TAX1BP1: variants seen among roughly 807,000 people sequenced by gnomAD.
TAX1BP1 encodes Tax1 binding protein 1, also known as tax1-binding protein 1.
TAX1BP1 carries 62 observed loss-of-function variants against 97.7 expected under a neutral mutation model. The ratio of observed to expected loss-of-function variants is 0.63; its 90% CI spans 0.52 to 0.78. The LOEUF is 0.78. Ranked by LOEUF, TAX1BP1 falls within the 30% of genes least tolerant of loss-of-function variation. TAX1BP1 has a pLI of 0.00. For missense variants in TAX1BP1, 867 were observed against 916.1 expected (o/e 0.95, Z 0.69); for synonymous variants, 340 against 304.2 (o/e 1.12, Z -1.23).
Position 27,778,044 on chromosome 7 carries a change from T to G in TAX1BP1, c.613-7119T>G, listed in dbSNP as rs76594044. ...GCCAAGATATTCTTTCTCAAGTGATTTGAATTATCTGGTATTCTAGGTACC... is the reference window on the plus strand; with the variant it reads ...GCCAAGATATTCTTTCTCAAGTGATGTGAATTATCTGGTATTCTAGGTACC... On this transcript the variant is annotated intron_variant, in intron 5 of 16. Transcript: ENST00000396319. 6.0e-3 allele frequency among the ~76,000 whole-genome samples: 914 copies of G among 152,314 alleles called. 4 individuals carry two copies. The highest frequency in any genetic ancestry group is 9.7e-3 in the Non-Finnish European group (658 of 68,018).
At chr7:27,822,145 G>A (rs565016463) in intron 15 of TAX1BP1, among the ~76,000 whole-genome samples, 35 of 152,298 alleles carry the variant, frequency 2.3e-4, no homozygotes, top group African/African-American at 7.7e-4. Context: ...CAGCTGGCAA[G>A]CGTAATGAAG....
chr7:27,753,421 A>G (rs1788095763), intron 2 of TAX1BP1, among the ~76,000 whole-genome samples: 1 of 152,210 alleles, frequency 6.6e-6, no homozygotes, highest in Admixed American at 6.5e-5. Context: ...GTGTTTATGA[A>G]TTTGATTTGG....
chr7:27,788,583 T>C (rs1270302917), intron 8 of TAX1BP1, among the ~76,000 whole-genome samples: 3 of 152,084 alleles, frequency 2.0e-5, no homozygotes, highest in Non-Finnish European at 2.9e-5. Context: ...CCCTTCCCTC[T>C]TTTTTAAATA....
intron 14 of TAX1BP1, 135 bp downstream of exon 14, chr7:27,816,655 T>G (rs972209599): frequency 1.2e-5 from 11 of 928,466 alleles, no homozygotes; most frequent in African/African-American, 1.7e-5. Context: ...ATTAGCAGTT[T>G]TAATATTTAA....
intron 15 of TAX1BP1, among the ~76,000 whole-genome samples, chr7:27,824,422 T>C (rs1791092203): frequency 6.6e-6 from 1 of 151,422 alleles, no homozygotes; most frequent in Non-Finnish European, 1.5e-5. Context: ...AGTGTGGTGG[T>C]ACACGCCGGT....
chr7:27,785,156 T>C lies in TAX1BP1; in HGVS notation c.613-7T>C. 2 of 1,594,348 alleles carry C rather than the reference T, an allele frequency of 1.3e-6. No homozygotes were observed. Among genetic ancestry groups the C allele is most frequent in the South Asian group, 2.3e-5 (2 of 86,414 alleles). On this transcript the variant is annotated splice_polypyrimidine_tract_variant and splice_region_variant and intron_variant, in intron 5 of 16. Coordinates refer to ENST00000396319, the MANE Select transcript of TAX1BP1 (RefSeq NM_006024.7). The stretch of plus-strand genomic sequence containing the variant: ...TTTTCTCAAAATACCTTGTTGTCAC[T>C]TCTCAGGGTCTTACTGAAGTAACAC...
intron 2 of TAX1BP1, among the ~76,000 whole-genome samples, chr7:27,749,558 T>C (rs1477495717): frequency 6.6e-6 from 1 of 152,176 alleles, no homozygotes; most frequent in African/African-American, 2.4e-5. Context: ...ACATTGAAAG[T>C]GTCTAGAAGT....
rs1262057797 is a variant in TAX1BP1, at chr7:27,816,937, G to A, written c.1984G>A (p.Val662Ile). 2.5e-6 allele frequency: 4 copies of A among 1,613,904 alleles called. No homozygotes were observed. In the African/African-American group the frequency reaches 5.3e-5, roughly 22 times the overall value. ...CCCAGATGAAATACAAAGGCCACCT[G>A]TCAGAGTCCCCTCTTGGGGACTGGA... ...FYPDEIQRPP[V>I]RVPSWGLEDN... The change falls in exon 15 of 17, where the codon GTC becomes ATC. Residue 662 changes from valine (V) to isoleucine (I), a missense_variant. Physicochemically the swap from Val to Ile is conservative, Grantham distance 29 (BLOSUM62 3). Transcript: ENST00000396319.
In TAX1BP1 at chr7:27,766,033, C is replaced by T; in HGVS notation, c.453+12C>T. ...CAGGCCTTCTTGAGGTTGGTGTTCA[C>T]AGTGAGATAGTGATTCATTGATAAT... On this transcript the variant is annotated intron_variant, in intron 4 of 16. Transcript: ENST00000396319. The T allele has an allele frequency of 1.9e-6, 3 of 1,610,250 alleles. No homozygotes were observed. Among genetic ancestry groups the T allele is most frequent in the Non-Finnish European group, 2.5e-6 (3 of 1,178,008 alleles).
chr7:27,814,101 TTTTTTTTTC>T lies in TAX1BP1; in HGVS notation c.1765-2239_1765-2231del, dbSNP rs567437662. Among the ~76,000 whole-genome samples, 57 of 151,748 alleles carry T rather than the reference TTTTTTTTTC, an allele frequency of 3.8e-4. 1 individual carries two copies. The South Asian group carries it at 0.012, about 32-fold the overall frequency. On this transcript the variant is annotated intron_variant, in intron 13 of 16. Coordinates refer to ENST00000396319, the MANE Select transcript of TAX1BP1 (RefSeq NM_006024.7). ...GTGAGCCACCGCACTTGGCCTTTTT[TTTTTTTTTC>T]TTTTTTTTGAATCGTGTTTGAAATG... is the stretch of plus-strand genomic sequence containing the variant.
chr7:27,785,262 A>T lies in TAX1BP1; in HGVS notation c.712A>T (p.Ile238Phe). The T allele has an allele frequency of 6.2e-7, 1 of 1,613,466 alleles. No individual in the cohort carries two copies. Among genetic ancestry groups the T allele is most frequent in the Non-Finnish European group, 8.5e-7 (1 of 1,179,644 alleles). ...CAAAGCCCATCAGCTTGAGGAAGAT[A>T]TTGTGTCAGTAACACATAAAGCAAT... ...TSKAHQLEED[I>F]VSVTHKAIEK... The change falls in exon 6 of 17, where the codon ATT (isoleucine) becomes TTT (phenylalanine). Residue 238 changes from isoleucine to phenylalanine, a missense_variant. Coordinates refer to ENST00000396319, the MANE Select transcript of TAX1BP1 (RefSeq NM_006024.7).
At chr7:27,763,402 T>C (rs913875948) in intron 3 of TAX1BP1, among the ~76,000 whole-genome samples, 2 of 152,230 alleles carry the variant, frequency 1.3e-5, no homozygotes, top group Non-Finnish European at 2.9e-5. Flanking sequence ...TGAATAATTA[T>C]GTCTATCTCA....
chr7:27,775,402 G>A (rs1473220986), intron 5 of TAX1BP1, among the ~76,000 whole-genome samples: 1 of 152,164 alleles, frequency 6.6e-6, no homozygotes, highest in African/African-American at 2.4e-5. Flanking sequence ...AGGATCATAT[G>A]TATTAAAAGT....
At chr7:27,822,594 G>A (rs996157741) in intron 15 of TAX1BP1, among the ~76,000 whole-genome samples, 2 of 152,134 alleles carry the variant, frequency 1.3e-5, no homozygotes, top group African/African-American at 4.8e-5. Context: ...GCATTTTCCT[G>A]GTGGTTAATG....
rs776672653 is a variant in TAX1BP1, at chr7:27,785,237, C to G, written c.687C>G (p.Ser229=). Residue 229 remains serine, a synonymous_variant, in exon 6 of 17, where the codon TCC becomes TCG. Transcript: ENST00000396319. ...EFKKRFSDAT[S]KAHQLEEDIV... is the part of the protein sequence containing the mutation. ...AGAAGAGGTTCAGTGATGCTACATC[C>G]AAAGCCCATCAGCTTGAGGAAGATA... The G allele has an allele frequency of 1.1e-5, 18 of 1,613,326 alleles. No individual in the cohort carries two copies. The Middle Eastern group carries it at 5.0e-4, about 44-fold the overall frequency.
At chr7:27,787,120 T>C (rs1789517991) in intron 7 of TAX1BP1, among the ~76,000 whole-genome samples, 1 of 152,206 alleles carries the variant, frequency 6.6e-6, no homozygotes, top group African/African-American at 2.4e-5. Context: ...CCAAATCTAT[T>C]TGCATTTTTA....
At chr7:27,750,488 G>A (rs927229031) in intron 2 of TAX1BP1, among the ~76,000 whole-genome samples, 1 of 152,196 alleles carries the variant, frequency 6.6e-6, no homozygotes, top group Non-Finnish European at 1.5e-5. Flanking sequence ...AGGCTTAGAG[G>A]TAGGAATGTT....
intron 12 of TAX1BP1, 152 bp downstream of exon 12, chr7:27,796,371 G>T: frequency 1.6e-6 from 1 of 620,622 alleles, no homozygotes; most frequent in East Asian, 3.1e-5. Context: ...ATGATGAGGT[G>T]GGCGTTTTGT....
intron 2 of TAX1BP1, 70 bp downstream of exon 2, chr7:27,748,756 T>A: frequency 8.1e-7 from 1 of 1,235,166 alleles, no homozygotes; most frequent in Non-Finnish European, 1.1e-6. Flanking sequence ...GATTGATAAG[T>A]AGCTTTTACT....
Sources: allele counts gnomAD v4.1 joint callset (sites outside exome capture counted in the v4.1 genomes callset), GRCh38; gene constraint gnomAD v4.1.1; transcripts MANE v1.5; gene names NCBI Gene and HGNC (gene_info 2026-07-23, HGNC 2026-07-21).